CDKAL1: variants seen among roughly 807,000 people sequenced by gnomAD.
CDKAL1 encodes the protein CDKAL1 threonylcarbamoyladenosine tRNA methylthiotransferase.
Under a neutral mutation model 68.2 loss-of-function variants are expected in CDKAL1, and 32 were observed. That is an observed-to-expected ratio of 0.47 (90% CI 0.35 to 0.63). CDKAL1 has a LOEUF of 0.63. Ranked by LOEUF, CDKAL1 falls within the 30% of genes least tolerant of loss-of-function variation. CDKAL1 has a pLI of 0.00. For synonymous variants in CDKAL1, 234 were observed against 244.3 expected (o/e 0.96, Z 0.39); for missense variants, 606 against 696.7 (o/e 0.87, Z 1.47).
At chr6:20,704,129 A>T (rs959432122) in intron 5 of CDKAL1, among the ~76,000 whole-genome samples, 3 of 152,218 alleles carry the variant, frequency 2.0e-5, no homozygotes, top group African/African-American at 4.8e-5. Flanking sequence ...TAATGAGCTT[A>T]TGTGGGTAGG....
At chr6:20,759,222 G>C (rs1774362438) in intron 7 of CDKAL1, among the ~76,000 whole-genome samples, 1 of 152,044 alleles carries the variant, frequency 6.6e-6, no homozygotes, top group Non-Finnish European at 1.5e-5. Flanking sequence ...TTGAATTTCA[G>C]ATTGAAAGAA....
At chr6:20,627,142 A>G (rs1286611586) in intron 4 of CDKAL1, among the ~76,000 whole-genome samples, 5 of 152,178 alleles carry the variant, frequency 3.3e-5, no homozygotes, top group Non-Finnish European at 7.4e-5. Flanking sequence ...AATTGCATCT[A>G]CTTCAAAGTC....
chr6:21,223,766 G>A (rs1159545575), intron 15 of CDKAL1, among the ~76,000 whole-genome samples: 2 of 152,178 alleles, frequency 1.3e-5, no homozygotes, highest in Non-Finnish European at 2.9e-5. Context: ...GTCTCTTGGG[G>A]CCAAAAGACC....
rs149518169 is a variant in CDKAL1, at chr6:20,670,549, A to G, written c.371+21172A>G. On this transcript the variant is annotated intron_variant, in intron 5 of 15. Coordinates refer to ENST00000274695, the MANE Select transcript of CDKAL1 (RefSeq NM_017774.3). ...CATTTATTTATTTATTTTTTGTACA[A>G]ACAGGCAGAAGTCAGCAGTGATTTT... Among the ~76,000 whole-genome samples, 385 of 152,178 alleles carry G rather than the reference A, an allele frequency of 2.5e-3. 1 individual carries two copies. The highest frequency in any genetic ancestry group is 7.8e-3 in the African/African-American group (322 of 41,516).
At chr6:21,123,750 A>G (rs1774845470) in intron 13 of CDKAL1, among the ~76,000 whole-genome samples, 2 of 152,356 alleles carry the variant, frequency 1.3e-5, no homozygotes, top group South Asian at 4.1e-4. Flanking sequence ...ATGACTTTAC[A>G]GTCACTAACC....
intron 9 of CDKAL1, among the ~76,000 whole-genome samples, chr6:20,895,516 A>G (rs1761633966): frequency 6.6e-6 from 1 of 152,200 alleles, no homozygotes; most frequent in Admixed American, 6.5e-5. Context: ...CAGAATCTAA[A>G]GTGTCTATCA....
chr6:21,212,125 A>T (rs1039169575), intron 15 of CDKAL1, among the ~76,000 whole-genome samples: 3 of 152,154 alleles, frequency 2.0e-5, no homozygotes, highest in Non-Finnish European at 4.4e-5. Flanking sequence ...GGGAAAGCCC[A>T]TGAAAGCAGG....
intron 5 of CDKAL1, among the ~76,000 whole-genome samples, chr6:20,695,204 A>G (rs191643666): frequency 5.4e-4 from 82 of 152,272 alleles, no homozygotes; most frequent in African/African-American, 1.9e-3. Context: ...CAAGTTGTCT[A>G]TGGCCTTATG....
intron 8 of CDKAL1, among the ~76,000 whole-genome samples, chr6:20,796,160 C>T (rs563562898): frequency 1.3e-5 from 2 of 152,000 alleles, no homozygotes; most frequent in East Asian, 1.9e-4. Context: ...GTGAATATAG[C>T]AAGGATACAA....
intron 4 of CDKAL1, among the ~76,000 whole-genome samples, chr6:20,639,948 C>T (rs372883490): frequency 2.6e-5 from 4 of 152,242 alleles, no homozygotes; most frequent in Non-Finnish European, 5.9e-5. Context: ...GGATTACAGG[C>T]GCGAGCCACC....
intron 2 of CDKAL1, among the ~76,000 whole-genome samples, chr6:20,543,470 G>C (rs191862352): frequency 5.3e-4 from 80 of 152,134 alleles, no homozygotes; most frequent in African/African-American, 1.8e-3. Flanking sequence ...TTACGGTTGT[G>C]TTTTGACACT....
intron 9 of CDKAL1, among the ~76,000 whole-genome samples, chr6:20,864,807 A>G (rs1759816611): frequency 6.6e-6 from 1 of 152,216 alleles, no homozygotes; most frequent in Non-Finnish European, 1.5e-5. Flanking sequence ...AATCAAAATT[A>G]TCATTCCTAA....
chr6:21,217,701 T>C, intron 15 of CDKAL1, among the ~76,000 whole-genome samples: 1 of 152,174 alleles, frequency 6.6e-6, no homozygotes, highest in East Asian at 1.9e-4. Context: ...TTTTGCCATG[T>C]TGGCCACACT....
chr6:20,730,376 C>T lies in CDKAL1; in HGVS notation c.372-9143C>T, dbSNP rs114462721. 5.5e-3 allele frequency among the ~76,000 whole-genome samples: 726 copies of T among 130,968 alleles called. 6 individuals are homozygous for T. The highest frequency in any genetic ancestry group is 0.019 in the African/African-American group (652 of 34,712). 85.9% of individuals were successfully genotyped at this position (130,968 alleles called of 152,430 possible). A position where few individuals can be genotyped will look rare whatever the true frequency, so the allele number is the denominator to read the frequency against. Reference sequence around the variant, plus strand: ...GAAAGAAAGATAGATAGATGGAGCCCGACCCGAAAAAAAAGGAAGAAAGGA... The same window carrying T: ...GAAAGAAAGATAGATAGATGGAGCCTGACCCGAAAAAAAAGGAAGAAAGGA... On this transcript the variant is annotated intron_variant, in intron 5 of 15. Coordinates refer to ENST00000274695, the MANE Select transcript of CDKAL1 (RefSeq NM_017774.3).
At chr6:20,814,198 T>A (rs1776944262) in intron 8 of CDKAL1, among the ~76,000 whole-genome samples, 1 of 152,144 alleles carries the variant, frequency 6.6e-6, no homozygotes, top group African/African-American at 2.4e-5. Context: ...AATGATATTT[T>A]AAGAAGTTTT....
chr6:21,190,149 T>G (rs559902760), intron 13 of CDKAL1, among the ~76,000 whole-genome samples: 1 of 152,192 alleles, frequency 6.6e-6, no homozygotes, highest in South Asian at 2.1e-4. Context: ...AAAAACTAAT[T>G]TGACTGGAGC....
At chr6:20,724,624 G>C (rs983156424) in intron 5 of CDKAL1, among the ~76,000 whole-genome samples, 5 of 151,948 alleles carry the variant, frequency 3.3e-5, no homozygotes, top group Non-Finnish European at 7.4e-5. Context: ...GGCTGAGCCT[G>C]GGGGGCGGAG....
At chr6:20,969,653 C>T (rs1026718317) in intron 10 of CDKAL1, among the ~76,000 whole-genome samples, 3 of 152,124 alleles carry the variant, frequency 2.0e-5, no homozygotes, top group African/African-American at 4.8e-5. Context: ...ATGCCTGGAA[C>T]TAGTAAGTCT....
intron 5 of CDKAL1, among the ~76,000 whole-genome samples, chr6:20,672,228 T>TTTTC (rs1371027193): frequency 8.0e-6 from 1 of 124,944 alleles, no homozygotes; most frequent in Non-Finnish European, 1.8e-5. Context: ...CCTTTCTTTC[T>TTTTC]TTTCTTTCTC....
Sources: gnomAD v4.1 joint callset for allele counts (sites outside exome capture counted in the v4.1 genomes callset) on GRCh38, gnomAD v4.1.1 for gene constraint, MANE v1.5 for transcripts, NCBI Gene and HGNC (gene_info 2026-07-23, HGNC 2026-07-21) for gene names.